The following ELF2 variants were observed in gnomAD, a reference collection of about 807,000 sequenced individuals.
ELF2 encodes ETS-related transcription factor Elf-2.
ELF2 carries 11 observed loss-of-function variants against 54.8 expected under a neutral mutation model. That is an observed-to-expected ratio of 0.20 (90% CI 0.13 to 0.33). The LOEUF is 0.33. Among genes scored for constraint, ELF2 ranks in the 10% least tolerant of loss-of-function variants. ELF2 has a pLI of 1.00. For synonymous variants in ELF2, 203 were observed against 245.1 expected, an observed-to-expected ratio of 0.83 and a Z score of 1.61; for missense variants, 513 against 703.0, an observed-to-expected ratio of 0.73 and a Z score of 3.06.
At chr4:139,073,707 CATTG>C in intron 4 of ELF2, 140 bp from the exon 5 acceptor site, 1 of 421,620 alleles carries the variant, frequency 2.4e-6, no homozygotes, top group Non-Finnish European at 4.2e-6. Flanking sequence ...AACTCTAAGC[CATTG>C]ATATCTATTC....
chr4:139,127,741 G>A (rs1471429797), intron 3 of ELF2, among the ~76,000 whole-genome samples: 1 of 152,090 alleles, frequency 6.6e-6, no homozygotes, highest in African/African-American at 2.4e-5. Context: ...GAGGTGGGCA[G>A]ATCACCTGAG....
At chr4:139,145,885 A>G (rs1307223654) in intron 1 of ELF2, among the ~76,000 whole-genome samples, 3 of 152,236 alleles carry the variant, frequency 2.0e-5, no homozygotes, top group Non-Finnish European at 4.4e-5. Context: ...GAAGGGAATT[A>G]TCTCAAAATA....
intron 3 of ELF2, among the ~76,000 whole-genome samples, chr4:139,126,439 A>C (rs1736930730): frequency 6.6e-6 from 1 of 152,158 alleles, no homozygotes; most frequent in African/African-American, 2.4e-5. Context: ...AAATTTTCTA[A>C]GACTGAAGGA....
chr4:139,140,083 C>T lies in ELF2; in HGVS notation c.-251-586G>A, dbSNP rs935757349. ...GAGCTGGGACTATAGGCATATGCCACCATGCTCAGGTCAGTATTTCTTACT... is the reference window on the plus strand; with the variant it reads ...GAGCTGGGACTATAGGCATATGCCATCATGCTCAGGTCAGTATTTCTTACT... On this transcript the variant is annotated intron_variant, in intron 1 of 9. Transcript: ENST00000686138. Among the ~76,000 whole-genome samples the T allele has an allele frequency of 2.6e-5, 4 of 152,148 alleles. No individual in the cohort carries two copies. The East Asian group carries it at 5.8e-4, about 22-fold the overall frequency.
In ELF2 at chr4:139,084,152, C is replaced by T. The variant is rs1731622421; in HGVS notation, c.239-10585G>A. 2.5e-6 allele frequency: 4 copies of T among 1,613,660 alleles called. No homozygotes were observed. The African/African-American group carries it at 4.0e-5, about 16-fold the overall frequency. ...CCTTACCGGCCCGGATGAGCAGATC[C>T]AGCTGGTTCGTGGGTCCCTCATGCA... is the stretch of plus-strand genomic sequence containing the variant. On this transcript the variant is annotated intron_variant, in intron 4 of 9. Transcript: ENST00000686138.
intron 1 of ELF2, among the ~76,000 whole-genome samples, chr4:139,175,282 CTATTTTGTAAATGAGTATT>C (rs1742790182): frequency 6.6e-6 from 1 of 152,158 alleles, no homozygotes; most frequent in African/African-American, 2.4e-5. Flanking sequence ...CTCAAGCTGA[CTATTTTGTAAATGAGTATT>C]TATGTCTGAA....
At chr4:139,077,659 A>C (rs1375233735) in intron 4 of ELF2, among the ~76,000 whole-genome samples, 1 of 152,226 alleles carries the variant, frequency 6.6e-6, no homozygotes, top group Non-Finnish European at 1.5e-5. Flanking sequence ...GTAATTAAAA[A>C]AAAAATACTA....
chr4:139,133,352 T>G (rs1248968313), intron 3 of ELF2, among the ~76,000 whole-genome samples: 1 of 152,200 alleles, frequency 6.6e-6, no homozygotes, highest in Non-Finnish European at 1.5e-5. Context: ...TTAATTTACA[T>G]TTCCCTGATA....
At chr4:139,098,634 A>T (rs1306189927) in intron 4 of ELF2, among the ~76,000 whole-genome samples, 1 of 151,848 alleles carries the variant, frequency 6.6e-6, no homozygotes, top group Non-Finnish European at 1.5e-5. Context: ...GCGCCCGGCT[A>T]ATTTTTTGTA....
At chr4:139,084,647 T>C (rs1349433356) in intron 4 of ELF2, among the ~76,000 whole-genome samples, 3 of 152,162 alleles carry the variant, frequency 2.0e-5, no homozygotes, top group Admixed American at 1.3e-4. Flanking sequence ...CATTTCACGC[T>C]CTGCGGAAGA....
intron 4 of ELF2, among the ~76,000 whole-genome samples, chr4:139,122,284 T>C (rs961838030): frequency 1.8e-4 from 28 of 152,346 alleles, no homozygotes; most frequent in African/African-American, 6.0e-4. Context: ...GCATTCCTTT[T>C]CTTCCCAGTC....
At chr4:139,088,436 A>G (rs1403042113) in intron 4 of ELF2, among the ~76,000 whole-genome samples, 1 of 152,150 alleles carries the variant, frequency 6.6e-6, no homozygotes, top group African/African-American at 2.4e-5. Flanking sequence ...AAATTCTTCA[A>G]ATGTCAATAC....
intron 4 of ELF2, among the ~76,000 whole-genome samples, chr4:139,111,479 C>G (rs1734939459): frequency 6.6e-6 from 1 of 151,176 alleles, no homozygotes; most frequent in Non-Finnish European, 1.5e-5. Flanking sequence ...AGGTCCATGC[C>G]ACCATACCAA....
At chr4:139,176,633 T>A (rs1425011732) in intron 1 of ELF2, among the ~76,000 whole-genome samples, 1 of 152,078 alleles carries the variant, frequency 6.6e-6, no homozygotes, top group Non-Finnish European at 1.5e-5. Flanking sequence ...AGAGACCAGC[T>A]GCGCTCGGCC....
At chr4:139,165,005 A>G (rs1051532203) in intron 1 of ELF2, among the ~76,000 whole-genome samples, 1 of 152,254 alleles carries the variant, frequency 6.6e-6, no homozygotes, top group Admixed American at 6.5e-5. Flanking sequence ...TCCAACTTCC[A>G]GATTATCTAA....
At chr4:139,164,198 AAG>A (rs1167235187) in intron 1 of ELF2, among the ~76,000 whole-genome samples, 3 of 143,758 alleles carry the variant, frequency 2.1e-5, no homozygotes, top group East Asian at 4.6e-4. Flanking sequence ...GATGAAAAGA[AAG>A]AGAAAGCGGG....
Position 139,058,176 on chromosome 4 carries a change from A to G in ELF2, c.*807T>C, listed in dbSNP as rs1337152600. The G allele has an allele frequency of 1.3e-5, 2 of 152,522 alleles. No individual in the cohort carries two copies. The highest frequency in any genetic ancestry group is 4.8e-5 in the African/African-American group (2 of 41,440). 9.4% of individuals were successfully genotyped at this position (152,522 alleles called of 1,614,324 possible). On this transcript the variant is annotated 3_prime_UTR_variant, in exon 10 of 10. Transcript: ENST00000686138. ...ATGTTACAGCAAAAGGCCAGAGCCA[A>G]CTGTTAATTTGTCCACAATTAAGAA...
At chr4:139,086,999 C>T (rs930099448) in intron 4 of ELF2, among the ~76,000 whole-genome samples, 2 of 151,952 alleles carry the variant, frequency 1.3e-5, no homozygotes, top group Non-Finnish European at 2.9e-5. Context: ...ATTGTAAGTC[C>T]TTCTGTCATA....
chr4:139,080,062 T>C lies in ELF2; in HGVS notation c.239-6495A>G, dbSNP rs889458703. ...CTATAGATGACACAAGGAATCATTTTAAACAATTATCAAACATGAGGAATT... is the reference window on the plus strand; with the variant it reads ...CTATAGATGACACAAGGAATCATTTCAAACAATTATCAAACATGAGGAATT... On this transcript the variant is annotated intron_variant, in intron 4 of 9. Coordinates refer to ENST00000686138, the MANE Select transcript of ELF2 (RefSeq NM_001331036.3). Among the ~76,000 whole-genome samples, 5 of 152,334 alleles carry C rather than the reference T, an allele frequency of 3.3e-5. No homozygotes were observed. The South Asian group carries it at 8.3e-4, about 25-fold the overall frequency.
Sources: allele counts gnomAD v4.1 joint callset (sites outside exome capture counted in the v4.1 genomes callset), GRCh38; gene constraint gnomAD v4.1.1; transcripts MANE v1.5; gene names NCBI Gene and HGNC (gene_info 2026-07-23, HGNC 2026-07-21).